Variants in CSGALNACT1 observed in about 807,000 individuals in gnomAD.
CSGALNACT1 encodes the protein chondroitin sulfate N-acetylgalactosaminyltransferase 1.
In CSGALNACT1, 52 loss-of-function variants were observed where a neutral mutation model predicts 51.0. The ratio of observed to expected loss-of-function variants is 1.02; its 90% confidence interval spans 0.82 to 1.29. CSGALNACT1 has a LOEUF of 1.29. Ranked by LOEUF, CSGALNACT1 falls within the 50% of genes most tolerant of loss-of-function variation. The probability of loss-of-function intolerance (pLI) is 0.00; values close to 1 mark genes in which losing one functional copy is unlikely to be tolerated. For synonymous variants in CSGALNACT1, 341 were observed against 254.4 expected, an observed-to-expected ratio of 1.34 and a Z score of -3.24; for missense variants, 935 against 679.2, an observed-to-expected ratio of 1.38 and a Z score of -4.19.
At chr8:19,528,042 C>T (rs1175551448) in intron 3 of CSGALNACT1, among the ~76,000 whole-genome samples, 1 of 152,068 alleles carries the variant, frequency 6.6e-6, no homozygotes, top group Non-Finnish European at 1.5e-5. Flanking sequence ...AATAAGCCTG[C>T]AAAGCAGCTG....
intron 3 of CSGALNACT1, among the ~76,000 whole-genome samples, chr8:19,508,028 C>G (rs1343555372): frequency 1.3e-5 from 2 of 152,234 alleles, no homozygotes; most frequent in African/African-American, 2.4e-5. Context: ...AAGTGATCCT[C>G]ATGATAACTA....
intron 4 of CSGALNACT1, among the ~76,000 whole-genome samples, chr8:19,489,015 C>G (rs73212568): frequency 0.16 from 24,399 of 152,020 alleles, 2,165 homozygotes; most frequent in Non-Finnish European, 0.2. Context: ...ACAACGGCCC[C>G]CATTTGAAGG....
chr8:19,721,236 A>T (rs530097800), intron 1 of CSGALNACT1, among the ~76,000 whole-genome samples: 47 of 152,286 alleles, frequency 3.1e-4, no homozygotes, highest in African/African-American at 1.1e-3. Flanking sequence ...TGCTGTGAAC[A>T]ACATCCCGGA....
chr8:19,432,821 T>C (rs1211271209), intron 6 of CSGALNACT1, among the ~76,000 whole-genome samples: 2 of 152,208 alleles, frequency 1.3e-5, no homozygotes, highest in South Asian at 2.1e-4. Flanking sequence ...GTATTTAGTA[T>C]AGCATGTTTT....
intron 1 of CSGALNACT1, among the ~76,000 whole-genome samples, chr8:19,697,041 C>A (rs938775412): frequency 6.6e-6 from 1 of 152,092 alleles, no homozygotes; most frequent in Non-Finnish European, 1.5e-5. Context: ...CCTGTGTGTG[C>A]CATCCATAGG....
intron 1 of CSGALNACT1, among the ~76,000 whole-genome samples, chr8:19,751,297 C>T (rs1448842864): frequency 6.6e-6 from 1 of 152,128 alleles, no homozygotes; most frequent in Non-Finnish European, 1.5e-5. Flanking sequence ...GATAAGAGTG[C>T]ACAGTTCCTA....
chr8:19,607,054 C>T (rs1390505365), upstream of CSGALNACT1, among the ~76,000 whole-genome samples: 2 of 151,826 alleles, frequency 1.3e-5, no homozygotes, highest in Non-Finnish European at 2.9e-5. Context: ...ACTCTGGAGG[C>T]TGAGGCAGGA....
At chr8:19,437,519 A>G (rs1200990742) in intron 6 of CSGALNACT1, among the ~76,000 whole-genome samples, 1 of 152,120 alleles carries the variant, frequency 6.6e-6, no homozygotes, top group African/African-American at 2.4e-5. Flanking sequence ...GACCAGCAAC[A>G]CCATAAGAGA....
intron 3 of CSGALNACT1, among the ~76,000 whole-genome samples, chr8:19,515,264 G>C (rs918505761): frequency 1.3e-5 from 2 of 152,092 alleles, no homozygotes; most frequent in East Asian, 1.9e-4. Context: ...CAAACTGCCG[G>C]GACTCCACCC....
At chr8:19,407,187 A>ATTTTT (rs34176912) in intron 9 of CSGALNACT1, among the ~76,000 whole-genome samples, 2 of 150,522 alleles carry the variant, frequency 1.3e-5, no homozygotes, top group South Asian at 4.2e-4. Context: ...TGACTTCAAC[A>ATTTTT]TTTTTTTTTT....
intron 4 of CSGALNACT1, among the ~76,000 whole-genome samples, chr8:19,468,388 G>A (rs754648905): frequency 5.6e-4 from 86 of 152,324 alleles, no homozygotes; most frequent in Non-Finnish European, 1.2e-3. Context: ...CGTGGAGCGG[G>A]ACGAGGGGTC....
chr8:19,478,141 GC>G lies in CSGALNACT1; in HGVS notation c.635-19500del, dbSNP rs869082271. 5.5e-5 allele frequency among the ~76,000 whole-genome samples: 3 copies of G among 54,878 alleles called. No individual in the cohort carries two copies. In the East Asian group the frequency reaches 0.025, roughly 465 times the overall value. The allele number at this position is 54,878 out of a possible 152,430, so 36.0% of individuals were successfully genotyped here. A position where few individuals can be genotyped will look rare whatever the true frequency, so the allele number is the denominator to read the frequency against. On this transcript the variant is annotated intron_variant, in intron 4 of 9. Coordinates refer to ENST00000454498, the Ensembl canonical transcript of CSGALNACT1. ...AAAAATACTCATGTCTGGGCCGGGT[GC>G]GGTGGCTCACGCCTGTAATCTCAGC...
In CSGALNACT1 at chr8:19,666,882, A is replaced by AG. The variant is rs1491174511; in HGVS notation, c.-544+15590_-544+15591insC. ...GAAAGAAAGAAAGAAAGAAAGAAAGAAAGAGAGAGAGGAAGTGAGGAAGGG... is the reference window on the plus strand; with the variant it reads ...GAAAGAAAGAAAGAAAGAAAGAAAGAGAAGAGAGAGAGGAAGTGAGGAAGGG... On this transcript the variant is annotated intron_variant, in intron 1 of 9. Transcript: ENST00000332246. 1.1e-3 allele frequency among the ~76,000 whole-genome samples: 124 copies of AG among 113,932 alleles called. 2 individuals carry two copies. Among genetic ancestry groups the AG allele is most frequent in the Non-Finnish European group, 2.0e-3 (109 of 55,362 alleles). 74.7% of individuals were successfully genotyped at this position (113,932 alleles called of 152,430 possible). A position where few individuals can be genotyped will look rare whatever the true frequency, so the allele number is the denominator to read the frequency against.
In CSGALNACT1 at chr8:19,484,870, A is replaced by C. The variant is rs1279833368; in HGVS notation, c.634+20331T>G. On this transcript the variant is annotated intron_variant, in intron 4 of 9. Coordinates refer to ENST00000454498, the Ensembl canonical transcript of CSGALNACT1. ...GAGGACATTTGGACACACAGGAGAG[A>C]CACCAGAGACGTGCACTCACAAAGG... Among the ~76,000 whole-genome samples the C allele has an allele frequency of 2.0e-5, 3 of 152,134 alleles. 1 individual carries two copies.
rs777324893 is a variant in CSGALNACT1, at chr8:19,441,905, G to A, written c.852-1974C>T. On this transcript the variant is annotated intron_variant, in intron 5 of 9. Coordinates refer to ENST00000454498, the Ensembl canonical transcript of CSGALNACT1. ...CAAACAACCCCATCAAAAAGTGGGC[G>A]AAGGATATGAACAGACACTTCTCAA... 1.5e-3 allele frequency among the ~76,000 whole-genome samples: 228 copies of A among 152,246 alleles called. 1 individual carries two copies. The highest frequency in any genetic ancestry group is 6.8e-3 in the Middle Eastern group (2 of 294).
chr8:19,662,359 C>A (rs147648786), intron 1 of CSGALNACT1, among the ~76,000 whole-genome samples: 1 of 151,876 alleles, frequency 6.6e-6, no homozygotes, highest in African/African-American at 2.4e-5. Context: ...CCAGTCTGGG[C>A]GACAGAGAAA....
chr8:19,557,492 C>G (rs1204116248), intron 3 of CSGALNACT1, among the ~76,000 whole-genome samples: 1 of 152,208 alleles, frequency 6.6e-6, no homozygotes, highest in Non-Finnish European at 1.5e-5. Flanking sequence ...TCATTTCCCA[C>G]CTCAAAGCCC....
intron 1 of CSGALNACT1, among the ~76,000 whole-genome samples, chr8:19,681,474 C>A (rs1259396347): frequency 5.3e-5 from 8 of 152,156 alleles, no homozygotes; most frequent in Non-Finnish European, 1.0e-4. Context: ...AAAGGAAGAA[C>A]TGGGGACCTA....
At chr8:19,470,333 G>C (rs2067831723) in intron 4 of CSGALNACT1, among the ~76,000 whole-genome samples, 1 of 152,180 alleles carries the variant, frequency 6.6e-6, no homozygotes, top group Admixed American at 6.5e-5. Context: ...TTTATGAGGA[G>C]TGCTGGAGGC....
Sources: gnomAD v4.1 joint callset for allele counts (sites outside exome capture counted in the v4.1 genomes callset) on GRCh38, gnomAD v4.1.1 for gene constraint, MANE v1.5 for transcripts, NCBI Gene and HGNC (gene_info 2026-07-23, HGNC 2026-07-21) for gene names.